GMPS: variants seen among roughly 807,000 people sequenced by gnomAD.
GMPS encodes the protein guanosine monophosphate synthase, also known as GMP synthase [glutamine-hydrolyzing].
GMPS carries 15 observed loss-of-function variants against 77.9 expected under a neutral mutation model. That is an observed-to-expected ratio of 0.19 (90% CI 0.13 to 0.30). GMPS has a LOEUF of 0.30. Among genes scored for constraint, GMPS ranks in the 10% least tolerant of loss-of-function variants. The pLI is 1.00. For synonymous variants in GMPS, 224 were observed against 275.9 expected (o/e 0.81, Z 1.86); for missense variants, 590 against 838.8 (o/e 0.70, Z 3.66).
At chr3:155,872,754 T>A (rs930932581) in intron 1 of GMPS, among the ~76,000 whole-genome samples, 1 of 152,218 alleles carries the variant, frequency 6.6e-6, no homozygotes, top group Non-Finnish European at 1.5e-5. Flanking sequence ...TATAGCATAA[T>A]TAAACATTTT....
intron 1 of GMPS, among the ~76,000 whole-genome samples, chr3:155,883,946 G>T (rs974149978): frequency 6.6e-6 from 1 of 152,082 alleles, no homozygotes; most frequent in Admixed American, 6.5e-5. Context: ...AGGTTGATTC[G>T]GGCTGATTGA....
chr3:155,931,138 T>C (rs966644263), intron 12 of GMPS, among the ~76,000 whole-genome samples: 2 of 150,050 alleles, frequency 1.3e-5, no homozygotes, highest in Non-Finnish European at 3.0e-5. Context: ...GTCTGCCAAA[T>C]TAAATATGCT....
chr3:155,905,410 T>C (rs893468476), intron 4 of GMPS, among the ~76,000 whole-genome samples: 1 of 152,170 alleles, frequency 6.6e-6, no homozygotes, highest in Non-Finnish European at 1.5e-5. Flanking sequence ...AGTGTACACA[T>C]TACATTTGAT....
intron 12 of GMPS, among the ~76,000 whole-genome samples, chr3:155,930,118 C>T (rs62287802): frequency 0.025 from 3,579 of 141,350 alleles, 54 homozygotes; most frequent in East Asian, 0.11. Flanking sequence ...TATACTACAA[C>T]GCTACAGTAA....
intron 11 of GMPS, 46 bp from the exon 12 acceptor site, chr3:155,925,195 A>T (rs770806211): frequency 3.0e-5 from 46 of 1,550,474 alleles, no homozygotes; most frequent in Admixed American, 5.5e-5. Flanking sequence ...AAGAGTGAAT[A>T]CCTTATTTCT....
At chr3:155,886,892 C>T (rs1216880078) in intron 1 of GMPS, among the ~76,000 whole-genome samples, 1 of 152,118 alleles carries the variant, frequency 6.6e-6, no homozygotes. Context: ...CCTTGAGACA[C>T]ACTGGGAATC....
intron 7 of GMPS, among the ~76,000 whole-genome samples, chr3:155,911,505 C>G (rs1755037208): frequency 6.6e-6 from 1 of 152,080 alleles, no homozygotes; most frequent in Non-Finnish European, 1.5e-5. Context: ...CATTTTCTAG[C>G]TACTGTTCAG....
Position 155,897,931 on chromosome 3 carries a change from A to G in GMPS, c.214A>G (p.Ile72Val), listed in dbSNP as rs776814388. 8.8e-6 allele frequency: 13 copies of G among 1,476,644 alleles called. No individual in the cohort carries two copies. The highest frequency in any genetic ancestry group is 1.7e-5 in the Admixed American group (1 of 59,818). The allele number at this position is 1,476,644 out of a possible 1,614,324, so 91.5% of individuals were successfully genotyped here. Residue 72 changes from isoleucine to valine, a missense_variant, in exon 3 of 16, where the codon ATT (isoleucine) becomes GTT (valine). By Grantham distance (29) the Ile-to-Val change is conservative. This residue lies in a region of GMPS where 136 missense variants were observed against 225.6 expected (regional missense o/e 0.60). Coordinates refer to ENST00000496455, the MANE Select transcript of GMPS (RefSeq NM_003875.3). The part of the protein sequence containing the change: ...FAIKEQGFRA[I>V]IISGGPNSVY... ...TGATTGTTCCTTAAATCACAGTGCT[A>G]TTATCATCTCTGGAGGACCTAATTC...
intron 2 of GMPS, among the ~76,000 whole-genome samples, chr3:155,894,444 G>A (rs998507594): frequency 6.6e-6 from 1 of 152,070 alleles, no homozygotes; most frequent in Non-Finnish European, 1.5e-5. Flanking sequence ...GGCTGGTCTC[G>A]AACTCCTGAC....
chr3:155,915,027 C>T (rs933107623), intron 8 of GMPS, among the ~76,000 whole-genome samples: 8 of 152,000 alleles, frequency 5.3e-5, no homozygotes, highest in East Asian at 1.9e-4. Context: ...CTCAGCCTCC[C>T]GAACTTCTGG....
At chr3:155,926,595 A>G (rs1300673085) in intron 12 of GMPS, among the ~76,000 whole-genome samples, 1 of 150,570 alleles carries the variant, frequency 6.6e-6, no homozygotes, top group Admixed American at 6.6e-5. Context: ...AATAAAAAAT[A>G]AAAAAAAAGA....
intron 1 of GMPS, among the ~76,000 whole-genome samples, chr3:155,893,055 A>G (rs1478139539): frequency 6.6e-6 from 1 of 152,246 alleles, no homozygotes; most frequent in Non-Finnish European, 1.5e-5. Flanking sequence ...TCAAACTTCT[A>G]GTTTCCCCAT....
intron 1 of GMPS, among the ~76,000 whole-genome samples, chr3:155,882,668 A>T (rs1754238574): frequency 6.6e-6 from 1 of 152,340 alleles, no homozygotes; most frequent in African/African-American, 2.4e-5. Context: ...AAAAGCCCCC[A>T]ATTTTTATTA....
Position 155,897,952 on chromosome 3 carries a change from A to G in GMPS, c.235A>G (p.Asn79Asp), listed in dbSNP as rs773689964. ...TGCTATTATCATCTCTGGAGGACCT[A>G]ATTCTGTGTATGCTGAAGATGCTCC... ...FRAIIISGGP[N>D]SVYAEDAPWF... Residue 79 changes from asparagine to aspartate, a missense_variant, in exon 3 of 16, where the codon AAT (asparagine) becomes GAT (aspartate). Coordinates refer to ENST00000496455, the MANE Select transcript of GMPS (RefSeq NM_003875.3). 2.5e-6 allele frequency: 4 copies of G among 1,591,130 alleles called. No homozygotes were observed. In the South Asian group the frequency reaches 3.3e-5, roughly 13 times the overall value.
intron 1 of GMPS, among the ~76,000 whole-genome samples, chr3:155,878,641 T>A (rs1408699100): frequency 6.6e-6 from 1 of 152,136 alleles, no homozygotes; most frequent in East Asian, 1.9e-4. Flanking sequence ...ATGTCAGGAT[T>A]CTCCAGAAAA....
intron 1 of GMPS, among the ~76,000 whole-genome samples, chr3:155,879,865 G>A (rs1327621949): frequency 6.6e-6 from 1 of 151,240 alleles, no homozygotes; most frequent in Admixed American, 6.6e-5. Context: ...TGAGTAGCTG[G>A]GATTTCAGGC....
intron 1 of GMPS, among the ~76,000 whole-genome samples, chr3:155,882,690 GAAATA>G (rs1754239108): frequency 1.3e-5 from 2 of 152,120 alleles, no homozygotes; most frequent in African/African-American, 2.4e-5. Context: ...AGATGCAACA[GAAATA>G]AAATTACTTT....
chr3:155,869,597 C>T (rs749434343), upstream of GMPS, among the ~76,000 whole-genome samples: 4 of 152,208 alleles, frequency 2.6e-5, no homozygotes, highest in Non-Finnish European at 4.4e-5. Flanking sequence ...GCAGGCCTTA[C>T]ATTCTATATA....
At chr3:155,877,797 CTTTTT>C (rs35973380) in intron 1 of GMPS, among the ~76,000 whole-genome samples, 1 of 113,076 alleles carries the variant, frequency 8.8e-6, no homozygotes, top group Non-Finnish European at 1.9e-5. Flanking sequence ...ACCTTGGGGC[CTTTTT>C]TTTTTTTTTT....
Sources: gnomAD v4.1 joint callset for allele counts (sites outside exome capture counted in the v4.1 genomes callset) on GRCh38, gnomAD v4.1.1 for gene constraint, gnomAD v4.1.1 regional missense constraint, MANE v1.5 for transcripts, NCBI Gene and HGNC (gene_info 2026-07-23, HGNC 2026-07-21) for gene names.